BCL2L13: variants seen among roughly 807,000 people sequenced by gnomAD.
BCL2L13 encodes the protein BCL2 like 13.
BCL2L13 carries 13 observed loss-of-function variants against 25.8 expected under a neutral mutation model. The observed-to-expected ratio is 0.50, with a 90% CI of 0.33 to 0.80. BCL2L13 has a LOEUF of 0.80. BCL2L13 is among the 30% of genes least tolerant of loss of function. BCL2L13 has a pLI of 0.02. For synonymous variants in BCL2L13, 244 were observed against 230.3 expected, an observed-to-expected ratio of 1.06 and a Z score of -0.54; for missense variants, 504 against 574.9, an observed-to-expected ratio of 0.88 and a Z score of 1.26.
At chr22:17,632,864 C>G (rs2058052971) in intron 1 of BCL2L13, among the ~76,000 whole-genome samples, 1 of 151,518 alleles carries the variant, frequency 6.6e-6, no homozygotes, top group Admixed American at 6.6e-5. Context: ...AGCAATTCTC[C>G]TGCCTCAGCC....
intron 6 of BCL2L13, among the ~76,000 whole-genome samples, chr22:17,722,134 ACCATC>A (rs1192215858): frequency 1.3e-5 from 2 of 152,224 alleles, no homozygotes; most frequent in African/African-American, 4.8e-5. Context: ...ATAGGATCAT[ACCATC>A]CATTTTCCCA....
At chr22:17,651,570 C>T (rs893315798) in intron 1 of BCL2L13, among the ~76,000 whole-genome samples, 11 of 149,530 alleles carry the variant, frequency 7.4e-5, no homozygotes, top group South Asian at 2.1e-4. Context: ...TTAGTAGAGA[C>T]GGGTTTTCAC....
intron 6 of BCL2L13, among the ~76,000 whole-genome samples, chr22:17,719,369 T>TAAA (rs1254666689): frequency 6.6e-6 from 1 of 152,112 alleles, no homozygotes; most frequent in Admixed American, 6.6e-5. Context: ...CTAAATTTTT[T>TAAA]GGAGAATAAT....
Position 17,689,842 on chromosome 22 carries a change from C to CA in BCL2L13, c.386+718dup, listed in dbSNP as rs66645091. ...TGGGTGACAGAGCGAGACTCCATCT[C>CA]AAAAAAAAAAAAAAAAAACCCAAAA... is the stretch of plus-strand genomic sequence containing the variant. On this transcript the variant is annotated intron_variant, in intron 4 of 6. Transcript: ENST00000317582. Among the ~76,000 whole-genome samples the CA allele has an allele frequency of 4.6e-3, 452 of 97,390 alleles. 5 individuals carry two copies. The highest frequency in any genetic ancestry group is 0.033 in the South Asian group (99 of 2,994). 63.9% of individuals were successfully genotyped at this position (97,390 alleles called of 152,430 possible). A position where few individuals can be genotyped will look rare whatever the true frequency, so the allele number is the denominator to read the frequency against.
chr22:17,677,809 T>C (rs1333508764), intron 2 of BCL2L13, among the ~76,000 whole-genome samples: 2 of 151,450 alleles, frequency 1.3e-5, no homozygotes, highest in Non-Finnish European at 2.9e-5. Flanking sequence ...GAGGCAGAGG[T>C]TGCAGTGAGG....
chr22:17,725,762 ATT>A (rs1302267350), intron 6 of BCL2L13, among the ~76,000 whole-genome samples: 5 of 143,264 alleles, frequency 3.5e-5, no homozygotes, highest in Non-Finnish European at 1.5e-5. Context: ...TTGGATTTTA[ATT>A]TTTTTTTTTT....
chr22:17,686,026 C>T (rs2059927661), intron 3 of BCL2L13, among the ~76,000 whole-genome samples: 1 of 151,802 alleles, frequency 6.6e-6, no homozygotes, highest in Non-Finnish European at 1.5e-5. Context: ...CCCACCTCAG[C>T]CTCCCAAAGT....
intron 5 of BCL2L13, among the ~76,000 whole-genome samples, chr22:17,697,441 A>G (rs1180050220): frequency 6.6e-6 from 1 of 152,224 alleles, no homozygotes; most frequent in Non-Finnish European, 1.5e-5. Flanking sequence ...TCCGTCTCAA[A>G]AAAAAATAAA....
intron 2 of BCL2L13, among the ~76,000 whole-genome samples, chr22:17,669,959 A>G (rs1007986729): frequency 1.3e-5 from 2 of 152,230 alleles, no homozygotes; most frequent in Non-Finnish European, 2.9e-5. Context: ...CATAAACAAA[A>G]GAAAATGGAC....
At chr22:17,641,435 T>C (rs1311487131) in intron 1 of BCL2L13, among the ~76,000 whole-genome samples, 1 of 151,984 alleles carries the variant, frequency 6.6e-6, no homozygotes, top group African/African-American at 2.4e-5. Flanking sequence ...AATAAGCCCA[T>C]GAGGCAACAT....
chr22:17,662,021 T>A (rs1375799527), intron 2 of BCL2L13, among the ~76,000 whole-genome samples: 1 of 152,076 alleles, frequency 6.6e-6, no homozygotes, highest in African/African-American at 2.4e-5. Context: ...ATAATTATTT[T>A]AAAATTTACA....
At chr22:17,647,896 AGGT>A (rs1045049337) in intron 1 of BCL2L13, among the ~76,000 whole-genome samples, 1 of 152,180 alleles carries the variant, frequency 6.6e-6, no homozygotes, top group Non-Finnish European at 1.5e-5. Context: ...TGGGAGGCCA[AGGT>A]GGGCGGATCG....
chr22:17,670,826 A>G (rs913414541), intron 2 of BCL2L13, among the ~76,000 whole-genome samples: 14 of 152,154 alleles, frequency 9.2e-5, no homozygotes, highest in African/African-American at 3.1e-4. Context: ...TGGGTGGTGC[A>G]TGGTGGAATT....
At position 17,726,700 on chromosome 22, in the gene BCL2L13, A is replaced by G. The variant is rs756162139; in HGVS notation, c.624A>G (p.Ser208=). ...GGWGTVFSLE[S]EEEEYPGITA... is the part of the protein sequence containing the mutation. Reference sequence around the variant, plus strand: ...AGGGCACTGTGTTTAGTCTTGAGTCAGAGGAGGAGGAATACCCTGGAATCA... The same window carrying G: ...AGGGCACTGTGTTTAGTCTTGAGTCGGAGGAGGAGGAATACCCTGGAATCA... Residue 208 remains serine (S), a synonymous_variant, in exon 7 of 7, where the codon TCA becomes TCG. Transcript: ENST00000317582. The G allele has an allele frequency of 5.6e-6, 9 of 1,613,934 alleles. No individual in the cohort carries two copies. Among genetic ancestry groups the G allele is most frequent in the Non-Finnish European group, 7.6e-6 (9 of 1,179,886 alleles).
intron 6 of BCL2L13, among the ~76,000 whole-genome samples, chr22:17,705,843 C>T (rs1438071832): frequency 6.6e-6 from 1 of 152,152 alleles, no homozygotes; most frequent in East Asian, 1.9e-4. Context: ...AAACTGCCTA[C>T]CTCTCAAGGT....
intron 1 of BCL2L13, among the ~76,000 whole-genome samples, chr22:17,646,953 ATATTTTTTTTTTTTTT>A (rs1841367464): frequency 4.6e-5 from 1 of 21,634 alleles, no homozygotes; most frequent in South Asian, 2.9e-3. Context: ...ATATATATAT[ATATTTTTTTTTTTTTT>A]TTTTTTTTTT....
At chr22:17,717,510 A>C (rs2060981604) in intron 6 of BCL2L13, among the ~76,000 whole-genome samples, 1 of 151,956 alleles carries the variant, frequency 6.6e-6, no homozygotes, top group African/African-American at 2.4e-5. Context: ...GGTGGTCTCT[A>C]ATTCCTGGGC....
chr22:17,703,453 C>T (rs2060499940), intron 6 of BCL2L13: 1 of 152,026 alleles, frequency 6.6e-6, no homozygotes, highest in Admixed American at 6.5e-5. Flanking sequence ...TAATTATTGA[C>T]CCCTGGACAT....
chr22:17,685,014 C>T (rs1032324006), intron 3 of BCL2L13, among the ~76,000 whole-genome samples: 3 of 152,050 alleles, frequency 2.0e-5, no homozygotes, highest in East Asian at 1.9e-4. Flanking sequence ...GGATTACAGG[C>T]ATGAGCCACC....
Sources: allele counts gnomAD v4.1 joint callset (sites outside exome capture counted in the v4.1 genomes callset), GRCh38; gene constraint gnomAD v4.1.1; transcripts MANE v1.5; gene names NCBI Gene and HGNC (gene_info 2026-07-23, HGNC 2026-07-21).